Variants in UBE2E2 observed in about 807,000 individuals in gnomAD.
UBE2E2 encodes ubiquitin-conjugating enzyme E2 E2.
Under a neutral mutation model 24.7 loss-of-function variants are expected in UBE2E2, and 6 were observed. The observed-to-expected ratio is 0.24, with a 90% confidence interval of 0.13 to 0.48. The LOEUF is 0.48. UBE2E2 is among the 20% of genes least tolerant of loss of function. UBE2E2 has a pLI of 0.99. For synonymous variants in UBE2E2, 104 were observed against 83.6 expected, an observed-to-expected ratio of 1.24 and a Z score of -1.33; for missense variants, 169 against 245.0, an observed-to-expected ratio of 0.69 and a Z score of 2.07.
At chr3:23,505,511 A>G (rs1426021948) in intron 4 of UBE2E2, among the ~76,000 whole-genome samples, 1 of 152,198 alleles carries the variant, frequency 6.6e-6, no homozygotes, top group Non-Finnish European at 1.5e-5. Flanking sequence ...TTCTCTGGTA[A>G]TGGCAAGAAG....
intron 5 of UBE2E2, among the ~76,000 whole-genome samples, chr3:23,572,865 T>C (rs1696259031): frequency 6.6e-6 from 1 of 152,212 alleles, no homozygotes; most frequent in Non-Finnish European, 1.5e-5. Flanking sequence ...AGTGTCTTTT[T>C]GGTAGAACAA....
chr3:23,479,044 G>A (rs1213826476), intron 3 of UBE2E2, among the ~76,000 whole-genome samples: 1 of 152,168 alleles, frequency 6.6e-6, no homozygotes, highest in Non-Finnish European at 1.5e-5. Flanking sequence ...TAGTGTCACA[G>A]GATCCTTCAG....
At chr3:23,557,928 A>G (rs1055832988) in intron 5 of UBE2E2, among the ~76,000 whole-genome samples, 1 of 152,180 alleles carries the variant, frequency 6.6e-6, no homozygotes, top group Admixed American at 6.5e-5. Context: ...GAAAGTCAGC[A>G]TAGCTTTTTG....
intron 5 of UBE2E2, among the ~76,000 whole-genome samples, chr3:23,563,971 A>AAAGAAAG (rs1559423260): frequency 1.7e-4 from 26 of 149,618 alleles, no homozygotes; most frequent in Non-Finnish European, 3.0e-4. Context: ...TTCCAAAAAC[A>AAAGAAAG]AAAGAAAGAA....
chr3:23,462,301 T>C (rs1559391071), intron 3 of UBE2E2, among the ~76,000 whole-genome samples: 1 of 152,166 alleles, frequency 6.6e-6, no homozygotes. Flanking sequence ...AATGAAGTAG[T>C]ATTTTCAAGC....
In UBE2E2 at chr3:23,251,538, G is replaced by T. The variant is rs192983755; in HGVS notation, c.227+34226G>T. On this transcript the variant is annotated intron_variant, in intron 3 of 5. Transcript: ENST00000396703. ...GTCTTGGAAACTTAAGAAAGTTGTC[G>T]ACATGTTCATGCAACCCATGTACCT... Among the ~76,000 whole-genome samples, 19 of 152,248 alleles carry T rather than the reference G, an allele frequency of 1.2e-4. No individual in the cohort carries two copies. In the East Asian group the frequency reaches 3.7e-3, roughly 29 times the overall value.
At chr3:23,363,164 G>A (rs1696164986) in intron 3 of UBE2E2, among the ~76,000 whole-genome samples, 1 of 152,178 alleles carries the variant, frequency 6.6e-6, no homozygotes, top group African/African-American at 2.4e-5. Context: ...GATATAGAAA[G>A]GAAAGACTGT....
intron 3 of UBE2E2, among the ~76,000 whole-genome samples, chr3:23,244,862 A>T (rs893948959): frequency 1.1e-4 from 17 of 152,154 alleles, no homozygotes; most frequent in African/African-American, 3.9e-4. Flanking sequence ...ACTCCAAGGT[A>T]CAAATTGTAT....
chr3:23,268,735 G>A (rs1023408057), intron 3 of UBE2E2, among the ~76,000 whole-genome samples: 6 of 148,912 alleles, frequency 4.0e-5, no homozygotes, highest in South Asian at 2.2e-4. Context: ...AAAAGAGCCC[G>A]CATTGCCAAG....
intron 3 of UBE2E2, among the ~76,000 whole-genome samples, chr3:23,230,317 T>G (rs1284983089): frequency 1.3e-5 from 2 of 152,230 alleles, no homozygotes; most frequent in Non-Finnish European, 2.9e-5. Flanking sequence ...GAAATAGGAC[T>G]TCCTCAAGGA....
chr3:23,330,923 T>C (rs1314988515), intron 3 of UBE2E2, among the ~76,000 whole-genome samples: 1 of 152,242 alleles, frequency 6.6e-6, no homozygotes, highest in East Asian at 1.9e-4. Flanking sequence ...TTTCTAATTA[T>C]CTTTTATGAT....
intron 3 of UBE2E2, among the ~76,000 whole-genome samples, chr3:23,299,932 G>T (rs1466028505): frequency 5.9e-5 from 9 of 152,170 alleles, no homozygotes; most frequent in East Asian, 3.9e-4. Flanking sequence ...TCTCTTTGTA[G>T]GTCACTCAGG....
At chr3:23,576,445 G>A (rs549627218) in intron 5 of UBE2E2, among the ~76,000 whole-genome samples, 14 of 152,142 alleles carry the variant, frequency 9.2e-5, no homozygotes, top group African/African-American at 3.1e-4. Flanking sequence ...TTTAAATTAT[G>A]TTTACATAAT....
At chr3:23,351,996 C>G (rs1260470612) in intron 3 of UBE2E2, among the ~76,000 whole-genome samples, 1 of 152,146 alleles carries the variant, frequency 6.6e-6, no homozygotes, top group Non-Finnish European at 1.5e-5. Context: ...AAGCTCTCCT[C>G]AGCAAATGTA....
chr3:23,336,664 G>A (rs1180680206), intron 3 of UBE2E2, among the ~76,000 whole-genome samples: 1 of 152,108 alleles, frequency 6.6e-6, no homozygotes, highest in East Asian at 1.9e-4. Context: ...CAAAGCAGTT[G>A]GATTTAAAAT....
At chr3:23,388,359 C>T (rs1696854882) in intron 3 of UBE2E2, among the ~76,000 whole-genome samples, 1 of 152,162 alleles carries the variant, frequency 6.6e-6, no homozygotes, top group Non-Finnish European at 1.5e-5. Flanking sequence ...GGGATATTCT[C>T]TCTGCTAATT....
chr3:23,296,671 G>A lies in UBE2E2; in HGVS notation c.227+79359G>A, dbSNP rs1473512068. ...TTTTATGGCTGCATAGTATTCCATG[G>A]TGTATATGTGCCACATTTTCTTAAT... is the stretch of plus-strand genomic sequence containing the variant. On this transcript the variant is annotated intron_variant, in intron 3 of 5. Coordinates refer to ENST00000396703, the MANE Select transcript of UBE2E2 (RefSeq NM_152653.4). Among the ~76,000 whole-genome samples the A allele has an allele frequency of 3.9e-5, 6 of 152,290 alleles. 1 individual carries two copies. Among genetic ancestry groups the A allele is most frequent in the South Asian group, 4.2e-4 (2 of 4,814 alleles).
intron 3 of UBE2E2, among the ~76,000 whole-genome samples, chr3:23,430,723 G>A (rs1275277493): frequency 6.6e-6 from 1 of 152,032 alleles, no homozygotes; most frequent in Non-Finnish European, 1.5e-5. Context: ...ATATCCCTAT[G>A]TTGCCCAGGT....
rs9829861 is a variant in UBE2E2, at chr3:23,521,156, C to T, written c.361-11398C>T. 9.7e-3 allele frequency among the ~76,000 whole-genome samples: 1,472 copies of T among 152,156 alleles called. 24 individuals are homozygous for T. The highest frequency in any genetic ancestry group is 0.033 in the African/African-American group (1,371 of 41,486). On this transcript the variant is annotated intron_variant, in intron 4 of 5. Coordinates refer to ENST00000396703, the MANE Select transcript of UBE2E2 (RefSeq NM_152653.4). Reference sequence around the variant, plus strand: ...CTCCTTTCCTGAAGGATGGAGTAATCCTGTACATTATTTTCATTTTACATT... The same window carrying T: ...CTCCTTTCCTGAAGGATGGAGTAATTCTGTACATTATTTTCATTTTACATT...
Sources: allele counts gnomAD v4.1 joint callset (sites outside exome capture counted in the v4.1 genomes callset), GRCh38; gene constraint gnomAD v4.1.1; transcripts MANE v1.5; gene names NCBI Gene and HGNC (gene_info 2026-07-23, HGNC 2026-07-21).